TSPAN2: variants seen among roughly 807,000 people sequenced by gnomAD.
The protein encoded by TSPAN2 is tetraspanin-2.
In TSPAN2, 24 loss-of-function variants were observed where a neutral mutation model predicts 33.3. That is an observed-to-expected ratio of 0.72 (90% CI 0.52 to 1.01). TSPAN2 has a LOEUF of 1.01. TSPAN2 is among the 50% of genes least tolerant of loss of function. TSPAN2 has a pLI of 0.00. For synonymous variants in TSPAN2, 114 were observed against 104.5 expected (o/e 1.09, Z -0.56); for missense variants, 278 against 281.3 (o/e 0.99, Z 0.08).
chr1:115,082,773 C>T (rs1483208165), intron 1 of TSPAN2, among the ~76,000 whole-genome samples: 1 of 152,164 alleles, frequency 6.6e-6, no homozygotes, highest in African/African-American at 2.4e-5. Context: ...TGATCACAGG[C>T]TTCAGATTTT....
intron 4 of TSPAN2, among the ~76,000 whole-genome samples, chr1:115,059,532 C>G (rs1427823792): frequency 6.6e-6 from 1 of 152,222 alleles, no homozygotes; most frequent in Non-Finnish European, 1.5e-5. Flanking sequence ...TTATACATTC[C>G]TGTTACCCCA....
At chr1:115,086,020 C>T (rs1648818987) in intron 1 of TSPAN2, among the ~76,000 whole-genome samples, 1 of 152,096 alleles carries the variant, frequency 6.6e-6, no homozygotes, top group African/African-American at 2.4e-5. Flanking sequence ...GTGTAGTTAT[C>T]CTCAAATGAA....
chr1:115,083,660 G>A (rs188766569), intron 1 of TSPAN2, among the ~76,000 whole-genome samples: 29 of 152,298 alleles, frequency 1.9e-4, no homozygotes, highest in South Asian at 4.1e-4. Flanking sequence ...TGATCTGTAC[G>A]CACGTTAAAG....
At chr1:115,073,126 C>T (rs1648251133) in intron 1 of TSPAN2, 119 bp from the exon 2 acceptor site, 5 of 804,962 alleles carry the variant, frequency 6.2e-6, no homozygotes, top group Non-Finnish European at 1.0e-5. Flanking sequence ...ACTTAGACCA[C>T]CTTCCCATTT....
At chr1:115,068,964 G>A (rs1648054388) in intron 2 of TSPAN2, among the ~76,000 whole-genome samples, 1 of 152,218 alleles carries the variant, frequency 6.6e-6, no homozygotes, top group Non-Finnish European at 1.5e-5. Flanking sequence ...CCACCAGGAG[G>A]AGCTGGGAAG....
chr1:115,076,952 A>C (rs1648435421), intron 1 of TSPAN2, among the ~76,000 whole-genome samples: 3 of 147,104 alleles, frequency 2.0e-5, no homozygotes, highest in Non-Finnish European at 1.5e-5. Context: ...ACAAGGTCTC[A>C]CTCTGTCACC....
At chr1:115,053,631 T>C (rs10776794) in intron 6 of TSPAN2, among the ~76,000 whole-genome samples, 169 bp from the exon 7 acceptor site, 62,074 of 152,052 alleles carry the variant, frequency 0.41, 12,937 homozygotes, top group South Asian at 0.52. Flanking sequence ...ATAAGCTTAA[T>C]GCAAAAATGC....
intron 1 of TSPAN2, 113 bp downstream of exon 1, chr1:115,089,251 A>C: frequency 2.3e-6 from 2 of 866,460 alleles, no homozygotes; most frequent in Non-Finnish European, 3.4e-6. Context: ...TTGAGCACCC[A>C]GCCCTCCCCA....
At chr1:115,055,190 CT>C (rs1273098142) in intron 6 of TSPAN2, among the ~76,000 whole-genome samples, 1 of 152,128 alleles carries the variant, frequency 6.6e-6, no homozygotes, top group African/African-American at 2.4e-5. Context: ...ACACTCGAGA[CT>C]GTCCTCCTCT....
At chr1:115,056,871 G>C (rs543634589) in intron 6 of TSPAN2, among the ~76,000 whole-genome samples, 1 of 152,222 alleles carries the variant, frequency 6.6e-6, no homozygotes, top group South Asian at 2.1e-4. Context: ...CCTGGGCCTG[G>C]TGACCATTCC....
At chr1:115,058,170 A>T (rs540856485) in intron 5 of TSPAN2, 1 of 157,930 alleles carries the variant, frequency 6.3e-6, no homozygotes, top group African/African-American at 2.4e-5. Context: ...GAAACCGTAT[A>T]AATGTATAAA....
At position 115,057,615 on chromosome 1, in the gene TSPAN2, A is replaced by T. The variant is rs369196477; in HGVS notation, c.445-7T>A. The T allele has an allele frequency of 3.1e-6, 5 of 1,613,856 alleles. No homozygotes were observed. The highest frequency in any genetic ancestry group is 4.2e-6 in the Non-Finnish European group (5 of 1,179,910). On this transcript the variant is annotated splice_region_variant and splice_polypyrimidine_tract_variant and intron_variant, in intron 5 of 7. Coordinates refer to ENST00000369516, the MANE Select transcript of TSPAN2 (RefSeq NM_005725.6). ...CTTTTCCACAGCACTGAAACTAGAG[A>T]GTCAGAAAAGAGACTTCAGGACCAG...
intron 6 of TSPAN2, among the ~76,000 whole-genome samples, chr1:115,054,817 T>A (rs1470472962): frequency 6.6e-6 from 1 of 151,848 alleles, no homozygotes; most frequent in Non-Finnish European, 1.5e-5. Context: ...TGAAACCCCG[T>A]CTCTACTGAA....
chr1:115,078,148 C>T (rs557471003), intron 1 of TSPAN2, among the ~76,000 whole-genome samples: 1 of 152,324 alleles, frequency 6.6e-6, no homozygotes, highest in East Asian at 1.9e-4. Flanking sequence ...TCCGCCTCCC[C>T]CTAGCTGACA....
At chr1:115,084,226 C>T (rs755151915) in intron 1 of TSPAN2, among the ~76,000 whole-genome samples, 2 of 152,154 alleles carry the variant, frequency 1.3e-5, no homozygotes, top group Non-Finnish European at 2.9e-5. Flanking sequence ...TACTTATAAC[C>T]TTACATATAT....
chr1:115,071,879 C>T (rs569390851), intron 2 of TSPAN2, among the ~76,000 whole-genome samples: 1 of 152,070 alleles, frequency 6.6e-6, no homozygotes, highest in South Asian at 2.1e-4. Flanking sequence ...TGTCCCTGCT[C>T]TGAGTGGGGC....
chr1:115,069,808 T>C (rs1295604642), intron 2 of TSPAN2, among the ~76,000 whole-genome samples: 2 of 152,172 alleles, frequency 1.3e-5, no homozygotes, highest in East Asian at 3.9e-4. Flanking sequence ...TGGTTTAGAT[T>C]AGAAACAAAA....
chr1:115,058,562 C>T (rs1383631877), intron 5 of TSPAN2: 1 of 336,838 alleles, frequency 3.0e-6, no homozygotes, highest in Admixed American at 5.1e-5. Context: ...TGTTACACCA[C>T]AATGCTACCC....
chr1:115,062,081 A>G (rs1647750374), intron 3 of TSPAN2, 54 bp downstream of exon 3: 3 of 1,434,212 alleles, frequency 2.1e-6, no homozygotes, highest in Admixed American at 4.0e-5. Flanking sequence ...CTCCCTTCAG[A>G]TGCAGGCCGC....
Sources: allele counts gnomAD v4.1 joint callset (sites outside exome capture counted in the v4.1 genomes callset), GRCh38; gene constraint gnomAD v4.1.1; transcripts MANE v1.5; gene names NCBI Gene and HGNC (gene_info 2026-07-23, HGNC 2026-07-21).